EDEM3: variants seen among roughly 807,000 people sequenced by gnomAD.
The protein encoded by EDEM3 is ER degradation enhancing alpha-mannosidase like protein 3.
A neutral mutation model predicts 110.2 loss-of-function variants in EDEM3; 60 were observed. That is an observed-to-expected ratio of 0.54 (90% CI 0.44 to 0.67). The LOEUF (loss-of-function observed/expected upper bound fraction) is 0.67, where lower values mean the gene tolerates loss of function less well. EDEM3 is among the 30% of genes least tolerant of loss of function. EDEM3 has a pLI of 0.00. For missense variants in EDEM3, 996 were observed against 1,121.0 expected (o/e 0.89, Z 1.59); for synonymous variants, 352 against 382.9 (o/e 0.92, Z 0.94).
intron 15 of EDEM3, among the ~76,000 whole-genome samples, chr1:184,711,014 A>C (rs1650196094): frequency 6.6e-6 from 1 of 152,228 alleles, no homozygotes; most frequent in South Asian, 2.1e-4. Flanking sequence ...TTTAACAAGC[A>C]AGAATAAGTA....
intron 4 of EDEM3, among the ~76,000 whole-genome samples, chr1:184,736,015 C>T (rs933853413): frequency 1.3e-5 from 2 of 152,126 alleles, no homozygotes; most frequent in African/African-American, 4.8e-5. Flanking sequence ...ATATAGTTTG[C>T]ATATTCCATT....
chr1:184,704,649 CA>C (rs58913815), intron 18 of EDEM3, among the ~76,000 whole-genome samples: 1,851 of 29,622 alleles, frequency 0.062, 3 homozygotes, highest in African/African-American at 0.082. Context: ...GACTCTGTCT[CA>C]AAAAAAAAAA....
rs1331358190 is a variant in EDEM3 at position 184,737,076 on chromosome 1, G to A, written c.306-12C>T. 1 of 1,554,716 alleles carries A rather than the reference G, an allele frequency of 6.4e-7. No homozygotes were observed. The highest frequency in any genetic ancestry group is 1.1e-5 in the South Asian group (1 of 89,004). ...GTGTCAGAGAAAATCTAAGAAACAA[G>A]CGTTAACAAGATATAAAACATTAGA... On this transcript the variant is annotated splice_polypyrimidine_tract_variant and intron_variant, in intron 3 of 19. Transcript: ENST00000318130.
intron 8 of EDEM3, among the ~76,000 whole-genome samples, chr1:184,722,516 G>A (rs1174199544): frequency 6.6e-6 from 1 of 151,850 alleles, no homozygotes; most frequent in Non-Finnish European, 1.5e-5. Context: ...TTTGCTTTTA[G>A]GAACTTGGAA....
At chr1:184,750,518 C>CTTTTTTTTTTTT (rs376949251) in intron 1 of EDEM3, among the ~76,000 whole-genome samples, 10 of 146,462 alleles carry the variant, frequency 6.8e-5, no homozygotes, top group Non-Finnish European at 1.2e-4. Flanking sequence ...TTAACTTTTT[C>CTTTTTTTTTTTT]TTTTTTTTTT....
intron 12 of EDEM3, 34 bp from the exon 13 acceptor site, chr1:184,717,046 T>TAG (rs1363061058): frequency 6.8e-7 from 1 of 1,460,008 alleles, no homozygotes; most frequent in South Asian, 1.3e-5. Flanking sequence ...ATAATATATA[T>TAG]AGCTTATATA....
chr1:184,747,662 A>G (rs1363661163), intron 2 of EDEM3, among the ~76,000 whole-genome samples: 1 of 152,224 alleles, frequency 6.6e-6, no homozygotes, highest in Non-Finnish European at 1.5e-5. Context: ...CAGTCTTTGA[A>G]GCTGAAATCC....
At chr1:184,754,446 C>G in intron 1 of EDEM3, 43 bp downstream of exon 1, 1 of 1,611,174 alleles carries the variant, frequency 6.2e-7, no homozygotes, top group Non-Finnish European at 8.5e-7. Context: ...CTCCTGTTGT[C>G]AGCCTCACCG....
chr1:184,731,036 A>G (rs1288494614), intron 6 of EDEM3, among the ~76,000 whole-genome samples: 1 of 152,196 alleles, frequency 6.6e-6, no homozygotes, highest in Non-Finnish European at 1.5e-5. Context: ...AGAGCCATAC[A>G]ATTTTTGAAG....
At chr1:184,721,981 A>G (rs1336838765) in intron 8 of EDEM3, among the ~76,000 whole-genome samples, 1 of 151,992 alleles carries the variant, frequency 6.6e-6, no homozygotes, top group Non-Finnish European at 1.5e-5. Context: ...GTTTGTAGCA[A>G]TATGTTGATG....
intron 13 of EDEM3, among the ~76,000 whole-genome samples, chr1:184,713,282 T>C (rs372067120): frequency 9.2e-5 from 14 of 151,638 alleles, no homozygotes; most frequent in Non-Finnish European, 1.9e-4. Context: ...AAGAAAAAAA[T>C]AGTTACATGA....
intron 18 of EDEM3, among the ~76,000 whole-genome samples, chr1:184,706,214 T>C (rs1049266435): frequency 3.9e-5 from 6 of 152,298 alleles, no homozygotes; most frequent in Non-Finnish European, 8.8e-5. Flanking sequence ...AATTTTGTGG[T>C]AGAGCCAGGA....
In EDEM3 at chr1:184,719,218, T is replaced by C. The variant is rs746842119; in HGVS notation, c.1105A>G (p.Ile369Val). Reference sequence around the variant, plus strand: ...TGATATAACATTTCATGAGTTTCAATAGCAGGTCTAATATCCCCCTTTAAC... The same window carrying C: ...TGATATAACATTTCATGAGTTTCAACAGCAGGTCTAATATCCCCCTTTAAC... ...QVLKGDIRPAIETHEMLYQVI... is the reference protein window; with the variant it reads ...QVLKGDIRPAVETHEMLYQVI... Residue 369 changes from isoleucine (I) to valine (V), a missense_variant, in exon 11 of 20, where the codon ATT (isoleucine) becomes GTT (valine). Physicochemically the swap from Ile to Val is conservative, Grantham distance 29. Transcript: ENST00000318130. 2.9e-5 allele frequency: 46 copies of C among 1,576,072 alleles called. No homozygotes were observed. The highest frequency in any genetic ancestry group is 1.4e-4 in the Admixed American group (7 of 50,136).
At chr1:184,712,022 G>A (rs1650272324) in intron 14 of EDEM3, 145 bp from the exon 15 acceptor site, 2 of 603,730 alleles carry the variant, frequency 3.3e-6, no homozygotes, top group Middle Eastern at 4.7e-4. Context: ...CATCTCCTGG[G>A]TTCATGCCAT....
intron 19 of EDEM3, among the ~76,000 whole-genome samples, chr1:184,699,117 T>C (rs1178248980): frequency 6.6e-6 from 1 of 151,852 alleles, no homozygotes; most frequent in Non-Finnish European, 1.5e-5. Context: ...AAAATCAGTA[T>C]GTTTTAATAA....
In EDEM3 at chr1:184,692,798, A is replaced by AG. The variant is rs33939977; in HGVS notation, c.*1264dup. 34,467 of 131,346 alleles carry AG rather than the reference A, an allele frequency of 0.26. 5,548 individuals are homozygous for AG. The highest frequency in any genetic ancestry group is 0.54 in the East Asian group (2,241 of 4,134). 8.1% of individuals were successfully genotyped at this position (131,346 alleles called of 1,614,324 possible). On this transcript the variant is annotated 3_prime_UTR_variant, in exon 20 of 20. Transcript: ENST00000318130. ...CAACAACAACAAACCAAAAAAAAAA[A>AG]GGGGGGGGGTGGAAGTCTCATTAAG... is the stretch of plus-strand genomic sequence containing the variant.
In EDEM3 at chr1:184,719,548, C is replaced by T; in HGVS notation, c.972G>A (p.Arg324=). ...RFNTHYDAIM[R]YISQPPLLLD... ...GTAGAAGAGGTGGCTGGCTAATATA[C>T]CTCATTATGGCATCATAGTGCTAAA... The change falls in exon 10 of 20, where the codon AGG becomes AGA. Residue 324 remains arginine (R), a synonymous_variant. Coordinates refer to ENST00000318130, the MANE Select transcript of EDEM3 (RefSeq NM_025191.4). 6.2e-7 allele frequency: 1 copy of T among 1,613,832 alleles called. No homozygotes were observed. The highest frequency in any genetic ancestry group is 8.5e-7 in the Non-Finnish European group (1 of 1,179,954).
chr1:184,754,189 C>A (rs1571438929), intron 1 of EDEM3, among the ~76,000 whole-genome samples: 1 of 152,152 alleles, frequency 6.6e-6, no homozygotes, highest in African/African-American at 2.4e-5. Context: ...GCGATGCGGG[C>A]TGTAGCCCCC....
chr1:184,703,300 T>C (rs1262693709), intron 18 of EDEM3, among the ~76,000 whole-genome samples: 2 of 152,096 alleles, frequency 1.3e-5, no homozygotes, highest in Non-Finnish European at 2.9e-5. Context: ...TAATAATACA[T>C]TTAAAAAGTA....
Sources: allele counts gnomAD v4.1 joint callset (sites outside exome capture counted in the v4.1 genomes callset), GRCh38; gene constraint gnomAD v4.1.1; transcripts MANE v1.5; gene names NCBI Gene and HGNC (gene_info 2026-07-23, HGNC 2026-07-21).